MARF1: variants seen among roughly 807,000 people sequenced by gnomAD.
MARF1 encodes meiosis regulator and mRNA stability factor 1.
In MARF1, 24 loss-of-function variants were observed where a neutral mutation model predicts 168.2. The ratio of observed to expected loss-of-function variants is 0.14; its 90% CI spans 0.10 to 0.20. The LOEUF is 0.20. Among genes scored for constraint, MARF1 ranks in the 10% least tolerant of loss-of-function variants. The pLI is 1.00. For synonymous variants in MARF1, 868 were observed against 822.4 expected, an observed-to-expected ratio of 1.06 and a Z score of -0.95; for missense variants, 1,744 against 2,143.6, an observed-to-expected ratio of 0.81 and a Z score of 3.68.
intron 26 of MARF1, among the ~76,000 whole-genome samples, chr16:15,598,314 A>C (rs1041031550): frequency 2.0e-5 from 3 of 152,156 alleles, no homozygotes; most frequent in African/African-American, 7.2e-5. Flanking sequence ...GTAAGAGTTA[A>C]ATGTGATGGT....
chr16:15,608,470 G>A lies in MARF1; in HGVS notation c.4003C>T (p.Arg1335Trp). Reference sequence around the variant, plus strand: ...AACTGGGCAGCTAGAGCTTTGAACCGCTCCACCTCTGTCAGAGTAAGGATC... The same window carrying A: ...AACTGGGCAGCTAGAGCTTTGAACCACTCCACCTCTGTCAGAGTAAGGATC... ...EKILTLTEVE[R>W]FKALAAQFVK... is the part of the protein sequence containing the mutation. The change falls in exon 21 of 27, where the codon CGG (arginine) becomes TGG (tryptophan). Residue 1335 changes from arginine to tryptophan, a missense_variant. Coordinates refer to ENST00000396368, the MANE Select transcript of MARF1 (RefSeq NM_014647.4). The A allele has an allele frequency of 6.2e-7, 1 of 1,614,050 alleles. No homozygotes were observed. The highest frequency in any genetic ancestry group is 8.5e-7 in the Non-Finnish European group (1 of 1,179,986).
In MARF1 at chr16:15,595,285, GC is replaced by G. The variant is rs1483207143; in HGVS notation, c.*1407del. The G allele has an allele frequency of 2.0e-5, 3 of 152,470 alleles. No homozygotes were observed. The highest frequency in any genetic ancestry group is 4.8e-5 in the African/African-American group (2 of 41,364). 9.4% of individuals were successfully genotyped at this position (152,470 alleles called of 1,614,324 possible). A position where few individuals can be genotyped will look rare whatever the true frequency, so the allele number is the denominator to read the frequency against. ...TCTGACTTGTAAAAATCTCTCTATA[GC>G]CCTTATTTTGTGGCATTTTATCAAA... On this transcript the variant is annotated 3_prime_UTR_variant, in exon 27 of 27. Coordinates refer to ENST00000396368, the MANE Select transcript of MARF1 (RefSeq NM_014647.4).
intron 22 of MARF1, among the ~76,000 whole-genome samples, chr16:15,603,033 A>G (rs1020154506): frequency 1.3e-5 from 2 of 152,236 alleles, no homozygotes; most frequent in African/African-American, 4.8e-5. Context: ...GATATTCCCA[A>G]TCTTAGCTGG....
Position 15,617,046 on chromosome 16 carries a change from G to C in MARF1, c.3077+6C>G. The stretch of plus-strand genomic sequence containing the variant: ...TTATATCGACAAAGGCTTTGAGATG[G>C]TTCACCTCAATAAAGGCACGGTGCC... On this transcript the variant is annotated splice_donor_region_variant and intron_variant, in intron 15 of 26. Transcript: ENST00000396368. The C allele has an allele frequency of 6.2e-7, 1 of 1,609,694 alleles. No homozygotes were observed. Among genetic ancestry groups the C allele is most frequent in the African/African-American group, 1.3e-5 (1 of 74,642 alleles).
In MARF1 at chr16:15,594,861, T is replaced by C. The variant is rs1043794201; in HGVS notation, c.*1832A>G. 6.6e-6 allele frequency: 1 copy of C among 152,544 alleles called. No individual in the cohort carries two copies. The highest frequency in any genetic ancestry group is 2.4e-5 in the African/African-American group (1 of 41,404). The allele number at this position is 152,544 out of a possible 1,614,324, so 9.4% of individuals were successfully genotyped here. On this transcript the variant is annotated 3_prime_UTR_variant, in exon 27 of 27. Coordinates refer to ENST00000396368, the MANE Select transcript of MARF1 (RefSeq NM_014647.4). ...CACACTCACGGGACAGCACAGAACT[T>C]GATTCTTCTTTGTCTGTTGCCCAAA...
At chr16:15,610,134 TCA>T (rs2033392432) in intron 19 of MARF1, among the ~76,000 whole-genome samples, 1 of 152,212 alleles carries the variant, frequency 6.6e-6, no homozygotes, top group African/African-American at 2.4e-5. Context: ...TTTTGTTTAT[TCA>T]TCTGATCTTC....
chr16:15,625,582 T>A lies in MARF1; in HGVS notation c.1743A>T (p.Ser581=). 1.2e-6 allele frequency: 2 copies of A among 1,614,164 alleles called. No homozygotes were observed. Among genetic ancestry groups the A allele is most frequent in the Non-Finnish European group, 1.7e-6 (2 of 1,180,020 alleles). ...EDVFGNRIIV[S]FTPKNRELCE... ...AGAGTTCTCTATTTTTTGGAGTAAA[T>A]GACACAATGATCCTATTACCAAAGA... The change falls in exon 8 of 27, where the codon TCA becomes TCT. Residue 581 remains serine (S), a synonymous_variant. Transcript: ENST00000396368.
chr16:15,621,780 C>G lies in MARF1; in HGVS notation c.2592G>C (p.Leu864=). 6.2e-7 allele frequency: 1 copy of G among 1,614,100 alleles called. No homozygotes were observed. Among genetic ancestry groups the G allele is most frequent in the African/African-American group, 1.3e-5 (1 of 75,016 alleles). The change falls in exon 12 of 27, where the codon CTG becomes CTC. Residue 864 remains leucine, a synonymous_variant. Transcript: ENST00000396368. ...TGGCAGCCCCGGTGGCAAGTGAGACCAGGATCTTTTTGCTGCCAATTTTGT... is the reference window on the plus strand; with the variant it reads ...TGGCAGCCCCGGTGGCAAGTGAGACGAGGATCTTTTTGCTGCCAATTTTGT... ...HRYKIGSKKI[L]VSLATGAASK...
Position 15,596,636 on chromosome 16 carries a change from T to G in MARF1, c.*57A>C. 1 of 1,478,180 alleles carries G rather than the reference T, an allele frequency of 6.8e-7. No individual in the cohort carries two copies. 91.6% of individuals were successfully genotyped at this position (1,478,180 alleles called of 1,614,324 possible). A position where few individuals can be genotyped will look rare whatever the true frequency, so the allele number is the denominator to read the frequency against. On this transcript the variant is annotated 3_prime_UTR_variant, in exon 27 of 27. Transcript: ENST00000396368. ...AAAGGATGTATTTTTGAAACCCACTTTTGTGTGCAGAATCAGACAGTGTTT... is the reference window on the plus strand; with the variant it reads ...AAAGGATGTATTTTTGAAACCCACTGTTGTGTGCAGAATCAGACAGTGTTT...
At position 15,608,259 on chromosome 16, in the gene MARF1, G is replaced by GA. The variant is rs2033187909; in HGVS notation, c.4182+31_4182+32insT. On this transcript the variant is annotated intron_variant, in intron 21 of 26. Coordinates refer to ENST00000396368, the MANE Select transcript of MARF1 (RefSeq NM_014647.4). ...GTCACTGTGAGTTTTATCCCATGAG[G>GA]GAAAAAAAAAAAAAAAAAAAAAAAC... 2.5e-6 allele frequency: 3 copies of GA among 1,212,458 alleles called. No individual in the cohort carries two copies. The East Asian group carries it at 7.2e-5, about 29-fold the overall frequency. 75.1% of individuals were successfully genotyped at this position (1,212,458 alleles called of 1,614,324 possible).
At chr16:15,608,225 G>T in intron 21 of MARF1, 66 bp downstream of exon 21, 1 of 1,011,340 alleles carries the variant, frequency 9.9e-7, no homozygotes, top group East Asian at 2.5e-5. Context: ...ACGTCCTAAT[G>T]AGAATTAGGT....
chr16:15,600,574 G>T, intron 24 of MARF1, 21 bp from the exon 25 acceptor site: 1 of 1,614,212 alleles, frequency 6.2e-7, no homozygotes, highest in Non-Finnish European at 8.5e-7. Flanking sequence ...AAGAGCACCC[G>T]TCAGAGAGAA....
intron 16 of MARF1, 67 bp downstream of exon 16, chr16:15,615,763 G>C (rs2033995955): frequency 1.6e-6 from 2 of 1,213,168 alleles, no homozygotes; most frequent in Non-Finnish European, 1.1e-6. Context: ...TAAAATAAAA[G>C]CCAATAGCCT....
In MARF1 at chr16:15,625,376, A is replaced by G. The variant is rs1195103108; in HGVS notation, c.1949T>C (p.Leu650Ser). 4 of 1,597,708 alleles carry G rather than the reference A, an allele frequency of 2.5e-6. No individual in the cohort carries two copies. The highest frequency in any genetic ancestry group is 1.7e-4 in the Middle Eastern group (1 of 5,972). The change falls in exon 8 of 27, where the codon TTA becomes TCA. Residue 650 changes from leucine (L) to serine (S), a missense_variant. Transcript: ENST00000396368. ...AGCAAGAGGTATCAAAATTACCTGT[A>G]AACTTTTAACATTTGTATTTTTTGT... ...SATKNTNVKS[L>S]QELCRMESKT...
intron 18 of MARF1, 126 bp downstream of exon 18, chr16:15,611,458 AAAAAAAAC>A: frequency 2.4e-6 from 2 of 826,094 alleles, no homozygotes; most frequent in Non-Finnish European, 3.6e-6. Context: ...AAAAAAAAAA[AAAAAAAAC>A]AAAAAACTAC....
chr16:15,609,638 G>A lies in MARF1; in HGVS notation c.3839C>T (p.Pro1280Leu). 1 of 1,614,032 alleles carries A rather than the reference G, an allele frequency of 6.2e-7. No individual in the cohort carries two copies. Among genetic ancestry groups the A allele is most frequent in the East Asian group, 2.2e-5 (1 of 44,870 alleles). The change falls in exon 20 of 27, where the codon CCC becomes CTC. Residue 1280 changes from proline (P) to leucine (L), a missense_variant. Physicochemically the swap from Pro to Leu is moderately conservative, Grantham distance 98. This residue lies in a region of MARF1 where 543 missense variants were observed against 742.1 expected (regional missense o/e 0.73). Transcript: ENST00000396368. Reference sequence around the variant, plus strand: ...GTAAGAAGGGATAAATTTATTAAAGGGCATCCGGAAATGGGGTTGGTGACG... The same window carrying A: ...GTAAGAAGGGATAAATTTATTAAAGAGCATCCGGAAATGGGGTTGGTGACG... ...LLRHQPHFRM[P>L]FNKFIPSYHH...
Position 15,636,276 on chromosome 16 carries a change from C to T in MARF1, c.211G>A (p.Gly71Ser). The change falls in exon 3 of 27, where the codon GGC becomes AGC. Residue 71 changes from glycine to serine, a missense_variant. Coordinates refer to ENST00000396368, the MANE Select transcript of MARF1 (RefSeq NM_014647.4). The part of the protein sequence containing the change: ...LKDVPSPLHA[G>S]SKLFPAVPLP... ...GGGACTGCTGGAAAAAGCTTAGAGCCAGCATGAAGGGGTGATGGTACATCC... is the reference window on the plus strand; with the variant it reads ...GGGACTGCTGGAAAAAGCTTAGAGCTAGCATGAAGGGGTGATGGTACATCC... The T allele has an allele frequency of 6.2e-7, 1 of 1,612,712 alleles. No individual in the cohort carries two copies. The highest frequency in any genetic ancestry group is 8.5e-7 in the Non-Finnish European group (1 of 1,179,158).
chr16:15,600,087 G>A (rs886724725), intron 25 of MARF1, among the ~76,000 whole-genome samples: 1 of 152,110 alleles, frequency 6.6e-6, no homozygotes, highest in Non-Finnish European at 1.5e-5. Context: ...TATGTATTGG[G>A]AGTTGGCTCT....
chr16:15,599,226 A>G (rs12599954), intron 25 of MARF1: 1 of 602,060 alleles, frequency 1.7e-6, no homozygotes, highest in African/African-American at 1.9e-5. Flanking sequence ...GAACGCCTTA[A>G]TAAGCTAGTT....
Sources: gnomAD v4.1 joint callset for allele counts (sites outside exome capture counted in the v4.1 genomes callset) on GRCh38, gnomAD v4.1.1 for gene constraint, gnomAD v4.1.1 regional missense constraint, MANE v1.5 for transcripts, NCBI Gene and HGNC (gene_info 2026-07-23, HGNC 2026-07-21) for gene names.